TNPO3: variants seen among roughly 807,000 people sequenced by gnomAD.
TNPO3 encodes transportin-3.
In TNPO3, 65 loss-of-function variants were observed where a neutral mutation model predicts 122.8. That is an observed-to-expected ratio of 0.53 (90% CI 0.43 to 0.65). The LOEUF (loss-of-function observed/expected upper bound fraction) is 0.65, where lower values mean the gene tolerates loss of function less well. Among genes scored for constraint, TNPO3 ranks in the 30% least tolerant of loss-of-function variants. TNPO3 has a pLI of 0.00. For synonymous variants in TNPO3, 372 were observed against 411.2 expected, an observed-to-expected ratio of 0.90 and a Z score of 1.15; for missense variants, 850 against 1,136.7, an observed-to-expected ratio of 0.75 and a Z score of 3.63.
At chr7:128,961,578 C>T (rs1024102197) in intron 21 of TNPO3, among the ~76,000 whole-genome samples, 3 of 152,116 alleles carry the variant, frequency 2.0e-5, no homozygotes, top group Non-Finnish European at 2.9e-5. Flanking sequence ...GTCCTTCTGA[C>T]GTTTGATATT....
Position 129,018,079 on chromosome 7 carries a change from T to C in TNPO3, c.199A>G (p.Met67Val). The change falls in exon 2 of 23, where the codon ATG becomes GTG. Residue 67 changes from methionine to valine, a missense_variant. Physicochemically the swap from Met to Val is conservative, Grantham distance 21. Coordinates refer to ENST00000265388, the MANE Select transcript of TNPO3 (RefSeq NM_012470.4). ...AATGAGGTCTGAATCTTCATTTTCA[T>C]GGTCTGTGCAGCAAAATAGCATGAC... ...VESCYFAAQT[M>V]KMKIQTSFYE... is the part of the protein sequence containing the mutation. 1 of 1,614,176 alleles carries C rather than the reference T, an allele frequency of 6.2e-7. No homozygotes were observed. The highest frequency in any genetic ancestry group is 8.5e-7 in the Non-Finnish European group (1 of 1,180,030).
intron 16 of TNPO3, among the ~76,000 whole-genome samples, chr7:128,978,706 GGA>G (rs776965343): frequency 6.6e-6 from 1 of 152,070 alleles, no homozygotes; most frequent in Non-Finnish European, 1.5e-5. Flanking sequence ...CACCCTGGCT[GGA>G]GTGCAGTGCA....
At chr7:128,968,514 A>G in intron 20 of TNPO3, among the ~76,000 whole-genome samples, 1 of 152,070 alleles carries the variant, frequency 6.6e-6, no homozygotes, top group East Asian at 1.9e-4. Context: ...TGTATACTTC[A>G]GTCATAGTTT....
chr7:128,991,874 G>T, intron 10 of TNPO3, 125 bp downstream of exon 10: 1 of 510,416 alleles, frequency 2.0e-6, no homozygotes, highest in Non-Finnish European at 3.3e-6. Context: ...AAGACTAGAC[G>T]GCACAACAGA....
Position 128,992,013 on chromosome 7 carries a change from T to C in TNPO3, c.1344A>G (p.Ala448=). The C allele has an allele frequency of 1.2e-6, 2 of 1,608,838 alleles. No individual in the cohort carries two copies. Among genetic ancestry groups the C allele is most frequent in the South Asian group, 2.2e-5 (2 of 90,212 alleles). ...GAGACACTCACGGATCAACACTCTT[T>C]GCTATAGCAGCCATGATAAAGAGAA... is the stretch of plus-strand genomic sequence containing the variant. ...EAVLFIMAAI[A]KSVDPENNPT... The change falls in exon 10 of 23, where the codon GCA becomes GCG. Residue 448 remains alanine, a synonymous_variant. Coordinates refer to ENST00000265388, the MANE Select transcript of TNPO3 (RefSeq NM_012470.4).
intron 10 of TNPO3, 180 bp from the exon 11 acceptor site, chr7:128,990,280 GA>G: frequency 1.4e-6 from 1 of 715,438 alleles, no homozygotes; most frequent in Non-Finnish European, 2.4e-6. Context: ...GGAAAAGATA[GA>G]AATGAAAGAT....
intron 12 of TNPO3, among the ~76,000 whole-genome samples, chr7:128,985,410 T>C (rs1585334795): frequency 6.6e-6 from 1 of 152,268 alleles, no homozygotes; most frequent in Non-Finnish European, 1.5e-5. Flanking sequence ...GCCTGGGCTA[T>C]ATAGCAAGAC....
chr7:129,034,805 G>A (rs1247449658), intron 1 of TNPO3, among the ~76,000 whole-genome samples: 1 of 147,436 alleles, frequency 6.8e-6, no homozygotes, highest in Non-Finnish European at 1.5e-5. Flanking sequence ...TGAGGCAGGA[G>A]AATGGCGTGA....
chr7:129,040,053 A>G lies in TNPO3; in HGVS notation c.120+14598T>C, dbSNP rs542840982. ...GTGGATCACTTGAGGTCAGGAGTTC[A>G]AGACCAGCCTGGCCAACACGGTGAA... On this transcript the variant is annotated intron_variant, in intron 1 of 22. Transcript: ENST00000265388. 1.6e-3 allele frequency among the ~76,000 whole-genome samples: 250 copies of G among 152,148 alleles called. 1 individual carries two copies. Among genetic ancestry groups the G allele is most frequent in the Non-Finnish European group, 3.2e-3 (217 of 67,984 alleles).
intron 14 of TNPO3, among the ~76,000 whole-genome samples, chr7:128,980,654 T>C (rs1205999093): frequency 6.6e-6 from 1 of 152,160 alleles, no homozygotes; most frequent in African/African-American, 2.4e-5. Flanking sequence ...CACACCATTG[T>C]ACTCCGGCCT....
chr7:129,026,602 C>T (rs1398140449), intron 1 of TNPO3, among the ~76,000 whole-genome samples: 1 of 151,826 alleles, frequency 6.6e-6, no homozygotes, highest in Admixed American at 6.6e-5. Context: ...AGCGTTTCAC[C>T]ATGTTGGCCA....
chr7:129,034,080 CCTTCAAAAGGAAGGAAATT>C (rs1392882948), intron 1 of TNPO3, among the ~76,000 whole-genome samples: 1 of 152,006 alleles, frequency 6.6e-6, no homozygotes, highest in Non-Finnish European at 1.5e-5. Context: ...TGTTACTAAG[CCTTCAAAAGGAAGGAAATT>C]CTGACACACA....
chr7:128,967,979 A>G (rs973910675), intron 20 of TNPO3, among the ~76,000 whole-genome samples: 2 of 152,166 alleles, frequency 1.3e-5, no homozygotes, highest in African/African-American at 4.8e-5. Flanking sequence ...ACTGGTCTCA[A>G]ACTCCTGGGC....
At chr7:128,982,789 C>T (rs1799761338) in intron 13 of TNPO3, among the ~76,000 whole-genome samples, 1 of 152,020 alleles carries the variant, frequency 6.6e-6, no homozygotes, top group African/African-American at 2.4e-5. Flanking sequence ...TTAGATACTC[C>T]CATTAGTAAA....
chr7:129,024,043 A>G (rs890058632), intron 1 of TNPO3, among the ~76,000 whole-genome samples: 9 of 152,236 alleles, frequency 5.9e-5, no homozygotes, highest in Admixed American at 6.5e-5. Context: ...TAGAATCTAC[A>G]TGCCTTTGAA....
At chr7:129,003,039 CAAAAAA>C (rs56226072) in intron 5 of TNPO3, among the ~76,000 whole-genome samples, 6 of 53,284 alleles carry the variant, frequency 1.1e-4, no homozygotes, top group East Asian at 9.4e-4. Flanking sequence ...GACTCCCTCT[CAAAAAA>C]AAAAAAAAAA....
At chr7:129,022,542 A>G (rs565692164) in intron 1 of TNPO3, among the ~76,000 whole-genome samples, 14 of 152,170 alleles carry the variant, frequency 9.2e-5, no homozygotes, top group African/African-American at 2.9e-4. Flanking sequence ...GAAAGAGTAT[A>G]TCATATACCT....
chr7:128,970,312 C>T lies in TNPO3; in HGVS notation c.2434G>A (p.Glu812Lys). The T allele has an allele frequency of 6.3e-7, 1 of 1,593,932 alleles. No homozygotes were observed. The highest frequency in any genetic ancestry group is 8.6e-7 in the Non-Finnish European group (1 of 1,168,756). The change falls in exon 20 of 23, where the codon GAA becomes AAA. Residue 812 changes from glutamate to lysine, a missense_variant. Glu to Lys is a moderately conservative substitution (Grantham distance 56). Coordinates refer to ENST00000265388, the MANE Select transcript of TNPO3 (RefSeq NM_012470.4). ...LIHTGVANDHEEDFELRKELI... is the reference protein window; with the variant it reads ...LIHTGVANDHKEDFELRKELI... ...TCTTTCCGTAATTCAAAGTCTTCTT[C>T]ATGCTGTATGTAGGAAAGCAGGAAC...
chr7:128,974,897 A>G lies in TNPO3; in HGVS notation c.2244T>C (p.Thr748=). 1.9e-6 allele frequency: 3 copies of G among 1,614,236 alleles called. No individual in the cohort carries two copies. The highest frequency in any genetic ancestry group is 1.3e-5 in the African/African-American group (1 of 75,052). ...TGGCTAGCCGGAACAGGTCATCTAC[A>G]GTGTCAGGGTGATTCTGGAGACCAT... ...QQNGLQNHPD[T]VDDLFRLATR... The change falls in exon 18 of 23, where the codon ACT becomes ACC. Residue 748 remains threonine, a synonymous_variant. Transcript: ENST00000265388.
Sources: allele counts gnomAD v4.1 joint callset (sites outside exome capture counted in the v4.1 genomes callset), GRCh38; gene constraint gnomAD v4.1.1; transcripts MANE v1.5; gene names NCBI Gene and HGNC (gene_info 2026-07-23, HGNC 2026-07-21).